Variants in PHF20 observed in about 807,000 individuals in gnomAD.
The protein encoded by PHF20 is PHD finger protein 20.
In PHF20, 23 loss-of-function variants were observed where a neutral mutation model predicts 113.5. The ratio of observed to expected loss-of-function variants is 0.20; its 90% CI spans 0.15 to 0.29. The LOEUF (loss-of-function observed/expected upper bound fraction) is 0.29. Among genes scored for constraint, PHF20 ranks in the 10% least tolerant of loss-of-function variants. The pLI, the probability that PHF20 is intolerant of heterozygous loss-of-function variation, is 1.00. For missense variants in PHF20, 943 were observed against 1,219.6 expected (o/e 0.77, Z 3.38); for synonymous variants, 434 against 457.3 (o/e 0.95, Z 0.65).
intron 9 of PHF20, among the ~76,000 whole-genome samples, chr20:35,882,410 G>C (rs1253142667): frequency 6.6e-6 from 1 of 152,128 alleles, no homozygotes; most frequent in Non-Finnish European, 1.5e-5. Context: ...AATGTGATGG[G>C]TAATATTTAT....
Position 35,925,754 on chromosome 20 carries a change from CT to C in PHF20, c.2005-2022del, listed in dbSNP as rs2055617186. Among the ~76,000 whole-genome samples, 3 of 148,070 alleles carry C rather than the reference CT, an allele frequency of 2.0e-5. No homozygotes were observed. In the South Asian group the frequency reaches 6.4e-4, roughly 31 times the overall value. On this transcript the variant is annotated intron_variant, in intron 13 of 17. Transcript: ENST00000374012. ...TTATGGTTATTCTTAGGTATTTTAT[CT>C]TTTAGTTTGTTTATTATTCTCATTC...
intron 7 of PHF20, among the ~76,000 whole-genome samples, chr20:35,870,032 C>T (rs532578086): frequency 6.6e-6 from 1 of 151,550 alleles, no homozygotes; most frequent in African/African-American, 2.4e-5. Flanking sequence ...TGGCCAGGCG[C>T]GGTAGCTCAC....
At chr20:35,910,900 A>T (rs1027351529) in intron 10 of PHF20, among the ~76,000 whole-genome samples, 1 of 152,132 alleles carries the variant, frequency 6.6e-6, no homozygotes, top group African/African-American at 2.4e-5. Context: ...AAGTGCTGGG[A>T]GTGAGCCAGC....
chr20:35,859,265 C>T (rs560756937), intron 5 of PHF20, among the ~76,000 whole-genome samples: 5 of 152,286 alleles, frequency 3.3e-5, no homozygotes, highest in African/African-American at 9.6e-5. Context: ...TGCATAGATA[C>T]GGGCCATCTA....
At chr20:35,878,623 A>G in intron 9 of PHF20, 1 of 775,022 alleles carries the variant, frequency 1.3e-6, no homozygotes, top group Non-Finnish European at 2.4e-6. Flanking sequence ...GAAATACTAA[A>G]ATGTCCCTTC....
intron 1 of PHF20, among the ~76,000 whole-genome samples, chr20:35,773,709 G>A (rs1439033355): frequency 6.6e-6 from 1 of 152,096 alleles, no homozygotes; most frequent in South Asian, 2.1e-4. Context: ...CCTTGTGCTG[G>A]AGGTGGCCTC....
At chr20:35,772,307 G>A (rs1480187713) in intron 1 of PHF20, among the ~76,000 whole-genome samples, 2 of 151,698 alleles carry the variant, frequency 1.3e-5, no homozygotes, top group African/African-American at 4.8e-5. Flanking sequence ...GGGGCTACCC[G>A]CAAGAGTGGC....
chr20:35,942,425 A>G (rs553173559), intron 17 of PHF20, among the ~76,000 whole-genome samples: 1 of 152,340 alleles, frequency 6.6e-6, no homozygotes, highest in Non-Finnish European at 1.5e-5. Context: ...GAGGATTAGC[A>G]CCATGGAAAC....
At chr20:35,814,516 C>G (rs1354297679) in intron 2 of PHF20, among the ~76,000 whole-genome samples, 1 of 150,376 alleles carries the variant, frequency 6.6e-6, no homozygotes, top group African/African-American at 2.4e-5. Context: ...TGCGCCCGGC[C>G]TATAATATTA....
At chr20:35,840,653 A>G (rs1219197957) in intron 2 of PHF20, among the ~76,000 whole-genome samples, 1 of 151,656 alleles carries the variant, frequency 6.6e-6, no homozygotes, top group Non-Finnish European at 1.5e-5. Flanking sequence ...ATTGCAGACC[A>G]GCAGCAGCAG....
At chr20:35,912,058 G>A (rs1163817743) in intron 10 of PHF20, among the ~76,000 whole-genome samples, 1 of 150,740 alleles carries the variant, frequency 6.6e-6, no homozygotes, top group Non-Finnish European at 1.5e-5. Context: ...TCGGCTCACT[G>A]CAGCCTCCGC....
intron 9 of PHF20, among the ~76,000 whole-genome samples, chr20:35,876,701 T>C (rs1600861680): frequency 1.3e-5 from 2 of 152,172 alleles, no homozygotes; most frequent in South Asian, 4.1e-4. Flanking sequence ...CTGGGCGTGG[T>C]GGCTCACGCC....
At chr20:35,936,330 T>C (rs992534536) in intron 15 of PHF20, among the ~76,000 whole-genome samples, 3 of 152,100 alleles carry the variant, frequency 2.0e-5, no homozygotes, top group Non-Finnish European at 4.4e-5. Flanking sequence ...CCCTCTTCCT[T>C]AGTGGCTAGC....
chr20:35,778,678 G>A (rs911146216), intron 1 of PHF20, among the ~76,000 whole-genome samples: 11 of 151,278 alleles, frequency 7.3e-5, no homozygotes, highest in Admixed American at 5.3e-4. Flanking sequence ...GCTTGAACCC[G>A]AGAGGCAGAG....
chr20:35,848,752 A>G (rs1231363552), intron 4 of PHF20, among the ~76,000 whole-genome samples: 3 of 151,246 alleles, frequency 2.0e-5, no homozygotes, highest in South Asian at 2.1e-4. Context: ...AGCTACTCGC[A>G]TGGCTGAGGT....
intron 2 of PHF20, among the ~76,000 whole-genome samples, chr20:35,841,759 AC>A (rs1163294793): frequency 6.6e-6 from 1 of 151,832 alleles, no homozygotes. Flanking sequence ...ACAGAGCGAG[AC>A]CCTGTCTCAA....
intron 13 of PHF20, among the ~76,000 whole-genome samples, chr20:35,925,652 T>A (rs2055614524): frequency 6.6e-6 from 1 of 152,156 alleles, no homozygotes; most frequent in Admixed American, 6.5e-5. Context: ...GGGTGCACTG[T>A]ACATTGACTT....
At chr20:35,934,193 G>C (rs746252644) in intron 15 of PHF20, among the ~76,000 whole-genome samples, 11 of 152,192 alleles carry the variant, frequency 7.2e-5, no homozygotes, top group Non-Finnish European at 1.6e-4. Flanking sequence ...CCCTGAGATG[G>C]TGAGATGGGA....
chr20:35,824,726 A>G (rs186166074), intron 2 of PHF20, among the ~76,000 whole-genome samples: 2 of 152,262 alleles, frequency 1.3e-5, no homozygotes. Context: ...CATTATCCCA[A>G]AAAGAAACCT....
Sources: allele counts gnomAD v4.1 joint callset (sites outside exome capture counted in the v4.1 genomes callset), GRCh38; gene constraint gnomAD v4.1.1; transcripts MANE v1.5; gene names NCBI Gene and HGNC (gene_info 2026-07-23, HGNC 2026-07-21).